The following PPP1R11 variants were observed in gnomAD, a reference collection of about 807,000 sequenced individuals.
PPP1R11 encodes protein phosphatase 1 regulatory inhibitor subunit 11.
Under a neutral mutation model 11.3 loss-of-function variants are expected in PPP1R11, and 10 were observed. That is an observed-to-expected ratio of 0.88 (90% confidence interval 0.55 to 1.50). PPP1R11 has a LOEUF of 1.50. PPP1R11 is among the 40% of genes most tolerant of loss of function. PPP1R11 has a pLI of 0.00. For synonymous variants in PPP1R11, 56 were observed against 62.3 expected (o/e 0.90, Z 0.48); for missense variants, 114 against 179.1 (o/e 0.64, Z 2.07).
chr6:30,069,377 C>T lies in PPP1R11; in HGVS notation c.*71C>T. 2 of 1,158,208 alleles carry T rather than the reference C, an allele frequency of 1.7e-6. No homozygotes were observed. Among genetic ancestry groups the T allele is most frequent in the Non-Finnish European group, 2.4e-6 (2 of 822,048 alleles). 71.7% of individuals were successfully genotyped at this position (1,158,208 alleles called of 1,614,324 possible). On this transcript the variant is annotated 3_prime_UTR_variant, in exon 3 of 3. Coordinates refer to ENST00000376772, the MANE Select transcript of PPP1R11 (RefSeq NM_021959.3). The surrounding 1 kb of genome is among the most constrained non-coding windows in gnomAD (Gnocchi z 6.6). ...TATCCATGTGGCTACTTCTCCAGCC[C>T]CCTCCTTCCCTCTCTTCTGCCTGAT...
At chr6:30,064,768 C>G, upstream of PPP1R11, 1 of 1,361,436 alleles carries the variant, frequency 7.3e-7, no homozygotes, top group South Asian at 1.2e-5. Flanking sequence ...TTTTAGATGC[C>G]TTGTCCATCC....
intron 2 of PPP1R11, among the ~76,000 whole-genome samples, 196 bp from the exon 3 acceptor site, chr6:30,068,908 G>T (rs189094967): frequency 4.6e-5 from 7 of 152,326 alleles, no homozygotes; most frequent in South Asian, 2.1e-4. Flanking sequence ...AGAGGTGGGA[G>T]AAGTGGGGCT....
upstream of PPP1R11, among the ~76,000 whole-genome samples, chr6:30,064,102 T>C (rs1241263231): frequency 6.6e-6 from 1 of 152,226 alleles, no homozygotes; most frequent in Non-Finnish European, 1.5e-5. Flanking sequence ...AAGGGCACCA[T>C]AGTGTCACTG....
the PPP1R11 span, chr6:30,061,564 CA>C: frequency 6.2e-7 from 1 of 1,613,140 alleles, no homozygotes; most frequent in African/African-American, 1.3e-5. The surrounding 1 kb of genome is among the most constrained non-coding windows in gnomAD (Gnocchi z 5.0). Context: ...CTCCAGCTTT[CA>C]GTCGGACCTG....
the PPP1R11 span, chr6:30,061,488 TTAA>T: frequency 6.2e-7 from 1 of 1,609,086 alleles, no homozygotes; most frequent in Non-Finnish European, 8.5e-7. This position sits in a 1 kb window ranked among gnomAD's most constrained non-coding sequence, Gnocchi z 5.0. Flanking sequence ...CTCTCTTTTG[TTAA>T]TAAACTTCCA....
At chr6:30,068,800 C>A in intron 2 of PPP1R11, 102 bp downstream of exon 2, 2 of 1,062,490 alleles carry the variant, frequency 1.9e-6, no homozygotes, top group East Asian at 2.5e-5. Flanking sequence ...CCCAGATGTT[C>A]ATAGTTCTGT....
At position 30,067,363 on chromosome 6, in the gene PPP1R11, G is replaced by A. The variant is rs1765614874; in HGVS notation, c.-48G>A. 6.4e-7 allele frequency: 1 copy of A among 1,564,290 alleles called. No homozygotes were observed. Among genetic ancestry groups the A allele is most frequent in the African/African-American group, 1.4e-5 (1 of 73,826 alleles). On this transcript the variant is annotated 5_prime_UTR_variant, in exon 1 of 3. Transcript: ENST00000376772. ...GACCTCAGCGACAGAAAAAGGGAAG[G>A]GTGTCTCATCCCCCTTCCTCCTCTC...
intron 1 of PPP1R11, chr6:30,068,275 C>T (rs1481423948): frequency 4.5e-6 from 1 of 222,732 alleles, no homozygotes; most frequent in African/African-American, 2.3e-5. Context: ...TTAATACTAC[C>T]AAGGATGATT....
chr6:30,067,617 A>T, intron 1 of PPP1R11, 138 bp downstream of exon 1: 2 of 1,109,794 alleles, frequency 1.8e-6, no homozygotes, highest in Non-Finnish European at 2.6e-6. Flanking sequence ...GGGCTGGGAG[A>T]ATCGGAAGGT....
At chr6:30,061,565 A>G in the PPP1R11 span, 1 of 1,613,098 alleles carries the variant, frequency 6.2e-7, no homozygotes, top group East Asian at 2.2e-5. This position sits in a 1 kb window ranked among gnomAD's most constrained non-coding sequence, Gnocchi z 5.0. Context: ...TCCAGCTTTC[A>G]GTCGGACCTG....
Position 30,069,065 on chromosome 6 carries a change from C to G in PPP1R11, c.179-39C>G. On this transcript the variant is annotated intron_variant, in intron 2 of 2. Transcript: ENST00000376772. This position sits in a 1 kb window ranked among gnomAD's most constrained non-coding sequence, Gnocchi z 6.6. Reference sequence around the variant, plus strand: ...AATGGAACTGACTATATATCTTACCCTTCCTCCTCTTTAACTGGGCTCCTC... The same window carrying G: ...AATGGAACTGACTATATATCTTACCGTTCCTCCTCTTTAACTGGGCTCCTC... The G allele has an allele frequency of 6.6e-7, 1 of 1,523,440 alleles. No homozygotes were observed. The highest frequency in any genetic ancestry group is 1.1e-5 in the South Asian group (1 of 89,062). 94.4% of individuals were successfully genotyped at this position (1,523,440 alleles called of 1,614,324 possible).
At position 30,067,243 on chromosome 6, in the gene PPP1R11, T is replaced by C. The variant is rs1765605567; in HGVS notation, c.-168T>C. 1.5e-6 allele frequency: 1 copy of C among 654,368 alleles called. No individual in the cohort carries two copies. The highest frequency in any genetic ancestry group is 2.9e-5 in the Admixed American group (1 of 33,982). 40.5% of individuals were successfully genotyped at this position (654,368 alleles called of 1,614,324 possible). On this transcript the variant is annotated 5_prime_UTR_variant, in exon 1 of 3. Coordinates refer to ENST00000376772, the MANE Select transcript of PPP1R11 (RefSeq NM_021959.3). The stretch of plus-strand genomic sequence containing the variant: ...GCCGGAAGTGGGGTTAGCCAGGTTA[T>C]CCCCAGGGGTGGAGAAGCGGAGGCC...
intron 1 of PPP1R11, chr6:30,068,108 G>A (rs1765668405): frequency 6.5e-6 from 1 of 154,790 alleles, no homozygotes; most frequent in Non-Finnish European, 1.4e-5. Context: ...GAGATGCCAG[G>A]ATGCCAGAGA....
At chr6:30,063,479 A>G (rs1463251318), upstream of PPP1R11, among the ~76,000 whole-genome samples, 1 of 151,432 alleles carries the variant, frequency 6.6e-6, no homozygotes, top group Non-Finnish European at 1.5e-5. The surrounding 1 kb of genome is among the most constrained non-coding windows in gnomAD (Gnocchi z 4.1). Context: ...AATAATTATC[A>G]GTTCTTTAAT....
At position 30,069,124 on chromosome 6, in the gene PPP1R11, C is replaced by T; in HGVS notation, c.199C>T (p.Pro67Ser). Residue 67 changes from proline (P) to serine (S), a missense_variant, in exon 3 of 3, where the codon CCT (proline) becomes TCT (serine). Pro to Ser is a moderately conservative substitution (Grantham distance 74, BLOSUM62 -1). Transcript: ENST00000376772. The surrounding 1 kb of genome is among the most constrained non-coding windows in gnomAD (Gnocchi z 6.6). ...TCTAGGCTGCTGTATTTATGAGAAA[C>T]CTCGGGCCTTTGGCGAGAGCTCCAC... Reference protein sequence around the residue: ...SSKCCCIYEKPRAFGESSTES... With the variant: ...SSKCCCIYEKSRAFGESSTES... The T allele has an allele frequency of 6.2e-7, 1 of 1,610,850 alleles. No homozygotes were observed. Among genetic ancestry groups the T allele is most frequent in the Non-Finnish European group, 8.5e-7 (1 of 1,178,246 alleles).
upstream of PPP1R11, chr6:30,062,098 T>G: frequency 6.7e-7 from 1 of 1,492,056 alleles, no homozygotes; most frequent in East Asian, 2.3e-5. Flanking sequence ...TCTGGAGAGT[T>G]TTGTGCCCAA....
At chr6:30,064,968 ATATATT>A (rs1765390917), upstream of PPP1R11, 1 of 355,810 alleles carries the variant, frequency 2.8e-6, no homozygotes, top group African/African-American at 2.1e-5. Flanking sequence ...GTTTCCAGAG[ATATATT>A]TATATGAAAA....
chr6:30,061,635 C>T, the PPP1R11 span: 1 of 1,613,074 alleles, frequency 6.2e-7, no homozygotes, highest in South Asian at 1.1e-5. The surrounding 1 kb of genome is among the most constrained non-coding windows in gnomAD (Gnocchi z 5.0). Flanking sequence ...ATACGGTCAC[C>T]TGTATTCGCT....
chr6:30,068,772 A>G, intron 2 of PPP1R11, 74 bp downstream of exon 2: 1 of 1,333,566 alleles, frequency 7.5e-7, no homozygotes, highest in East Asian at 2.3e-5. Context: ...ACTCATATCC[A>G]CTGGCTTTCC....
Sources: allele counts gnomAD v4.1 joint callset (sites outside exome capture counted in the v4.1 genomes callset), GRCh38; gene constraint gnomAD v4.1.1; non-coding constraint Gnocchi (gnomAD v3.1); transcripts MANE v1.5; gene names NCBI Gene and HGNC (gene_info 2026-07-23, HGNC 2026-07-21).